Variants in HPSE2 observed in about 807,000 individuals in gnomAD.
HPSE2 encodes heparanase 2 (inactive).
HPSE2 carries 38 observed loss-of-function variants against 60.5 expected under a neutral mutation model. The ratio of observed to expected loss-of-function variants is 0.63; its 90% CI spans 0.48 to 0.82. The LOEUF (loss-of-function observed/expected upper bound fraction) is 0.82. Ranked by LOEUF, HPSE2 falls within the 40% of genes least tolerant of loss-of-function variation. The pLI is 0.00. For missense variants in HPSE2, 713 were observed against 740.4 expected, an observed-to-expected ratio of 0.96 and a Z score of 0.43; for synonymous variants, 295 against 293.2, an observed-to-expected ratio of 1.01 and a Z score of -0.06.
intron 2 of HPSE2, among the ~76,000 whole-genome samples, chr10:99,153,172 G>C (rs1389388510): frequency 3.9e-5 from 6 of 152,344 alleles, no homozygotes; most frequent in South Asian, 2.1e-4. Context: ...GCGAGGCTGG[G>C]GGAGGGGCGC....
intron 3 of HPSE2, among the ~76,000 whole-genome samples, chr10:98,795,328 G>C (rs1003272922): frequency 1.3e-5 from 2 of 152,330 alleles, no homozygotes; most frequent in African/African-American, 4.8e-5. Flanking sequence ...ACATCCCCTG[G>C]CAGCAGCCTT....
At chr10:98,889,942 C>T (rs1353077154) in intron 3 of HPSE2, among the ~76,000 whole-genome samples, 1 of 152,134 alleles carries the variant, frequency 6.6e-6, no homozygotes, top group Non-Finnish European at 1.5e-5. Context: ...ATTAGTATAA[C>T]TCTTTACAAG....
rs185567217 is a variant in HPSE2 at position 99,171,868 on chromosome 10, T to C, written c.449-27469A>G. On this transcript the variant is annotated intron_variant, in intron 2 of 11. Coordinates refer to ENST00000370552, the MANE Select transcript of HPSE2 (RefSeq NM_021828.5). The stretch of plus-strand genomic sequence containing the variant: ...AGAATTGACTTTCCCCTAGAGTGTC[T>C]AGGATTGAAATGTTTATATTCCTGA... Among the ~76,000 whole-genome samples, 758 of 152,252 alleles carry C rather than the reference T, an allele frequency of 5.0e-3. 7 individuals carry two copies. The highest frequency in any genetic ancestry group is 7.3e-3 in the Non-Finnish European group (496 of 68,020).
At chr10:98,508,503 T>G (rs528689572) in intron 9 of HPSE2, among the ~76,000 whole-genome samples, 1 of 152,346 alleles carries the variant, frequency 6.6e-6, no homozygotes, top group East Asian at 1.9e-4. Context: ...ATGCCTACTA[T>G]GATTAAGTTC....
intron 3 of HPSE2, among the ~76,000 whole-genome samples, chr10:98,926,122 C>A (rs1441818137): frequency 2.0e-5 from 3 of 152,026 alleles, no homozygotes; most frequent in Admixed American, 2.0e-4. Flanking sequence ...TTATCTATAT[C>A]CCCCTGGTAG....
At chr10:99,218,169 T>A (rs944854530) in intron 2 of HPSE2, among the ~76,000 whole-genome samples, 2 of 151,806 alleles carry the variant, frequency 1.3e-5, no homozygotes, top group Non-Finnish European at 2.9e-5. Flanking sequence ...TCTGGTCCCA[T>A]CCTACAGGTA....
intron 2 of HPSE2, among the ~76,000 whole-genome samples, chr10:99,171,739 C>T (rs975269694): frequency 6.6e-6 from 1 of 152,082 alleles, no homozygotes; most frequent in Non-Finnish European, 1.5e-5. Context: ...ACACTTGATA[C>T]ATCCTTTTTG....
intron 2 of HPSE2, among the ~76,000 whole-genome samples, chr10:99,224,257 A>G (rs565599241): frequency 6.6e-6 from 1 of 152,254 alleles, no homozygotes; most frequent in South Asian, 2.1e-4. Context: ...AATGGATAAA[A>G]TAATTCAACA....
At chr10:98,966,987 A>G (rs1277656702) in intron 3 of HPSE2, among the ~76,000 whole-genome samples, 1 of 152,196 alleles carries the variant, frequency 6.6e-6, no homozygotes, top group African/African-American at 2.4e-5. Context: ...GTAAAAAGTT[A>G]GGGCTTTATG....
intron 3 of HPSE2, among the ~76,000 whole-genome samples, chr10:99,043,305 A>G (rs1181808721): frequency 6.6e-6 from 1 of 152,148 alleles, no homozygotes; most frequent in Non-Finnish European, 1.5e-5. Flanking sequence ...TAACACGGTG[A>G]AACCCCATCT....
At chr10:98,690,104 AT>A (rs1448997941) in intron 6 of HPSE2, among the ~76,000 whole-genome samples, 1 of 152,064 alleles carries the variant, frequency 6.6e-6, no homozygotes, top group African/African-American at 2.4e-5. Context: ...CATATTTTGT[AT>A]TTTTACCTTG....
chr10:99,240,806 A>G (rs576268876), upstream of HPSE2, among the ~76,000 whole-genome samples: 6 of 152,200 alleles, frequency 3.9e-5, no homozygotes, highest in Admixed American at 2.6e-4. Context: ...CTTTCCTTCT[A>G]CTAAACATTC....
chr10:99,083,672 C>A (rs889734239), intron 3 of HPSE2, among the ~76,000 whole-genome samples: 8 of 152,146 alleles, frequency 5.3e-5, no homozygotes, highest in Non-Finnish European at 1.2e-4. Flanking sequence ...GGGTAGAGAT[C>A]AGAAATCTTG....
Position 98,459,724 on chromosome 10 carries a change from A to G in HPSE2, c.1629T>C (p.Asn543=), listed in dbSNP as rs1227975120. The stretch of plus-strand genomic sequence containing the variant: ...CGTCCACCATCACTAAGGGCTGGCC[A>G]TTCAGTTGCACTGACCTACAGTGAG... ...EGLKSKSVQL[N]GQPLVMVDDG... is the part of the protein sequence containing the mutation. Residue 543 remains asparagine, a synonymous_variant, in exon 12 of 12, where the codon AAT becomes AAC. Coordinates refer to ENST00000370552, the MANE Select transcript of HPSE2 (RefSeq NM_021828.5). The G allele has an allele frequency of 6.2e-7, 1 of 1,613,672 alleles. No individual in the cohort carries two copies. The highest frequency in any genetic ancestry group is 2.2e-5 in the East Asian group (1 of 44,886).
intron 9 of HPSE2, among the ~76,000 whole-genome samples, chr10:98,583,487 G>GT (rs1404021670): frequency 5.3e-5 from 8 of 152,196 alleles, no homozygotes; most frequent in African/African-American, 1.9e-4. Context: ...TAAAATACAA[G>GT]TTTTACCTAG....
chr10:98,764,800 T>C (rs1589787985), intron 3 of HPSE2, among the ~76,000 whole-genome samples: 1 of 152,184 alleles, frequency 6.6e-6, no homozygotes, highest in East Asian at 1.9e-4. Context: ...GAGGTTGCAG[T>C]GAGCCGAGAT....
intron 3 of HPSE2, among the ~76,000 whole-genome samples, chr10:98,953,736 A>C (rs755006763): frequency 6.6e-6 from 1 of 152,174 alleles, no homozygotes; most frequent in Non-Finnish European, 1.5e-5. Flanking sequence ...TATAGCAGGG[A>C]AACTGGTTAA....
At chr10:98,671,325 A>G (rs1042248153) in intron 6 of HPSE2, among the ~76,000 whole-genome samples, 3 of 152,162 alleles carry the variant, frequency 2.0e-5, no homozygotes, top group Non-Finnish European at 4.4e-5. Flanking sequence ...GCCAAGTCAA[A>G]TGGTCTCTTT....
the HPSE2 span, among the ~76,000 whole-genome samples, chr10:99,290,372 T>C: frequency 2.0e-5 from 3 of 152,196 alleles, no homozygotes; most frequent in South Asian, 4.1e-4. Flanking sequence ...AAAAGGATTA[T>C]TGAACAAGGT....
Sources: gnomAD v4.1 joint callset for allele counts (sites outside exome capture counted in the v4.1 genomes callset) on GRCh38, gnomAD v4.1.1 for gene constraint, MANE v1.5 for transcripts, NCBI Gene and HGNC (gene_info 2026-07-23, HGNC 2026-07-21) for gene names.